Variants in WWP1 observed in about 807,000 individuals in gnomAD.
WWP1 encodes NEDD4-like E3 ubiquitin-protein ligase WWP1.
In WWP1, 49 loss-of-function variants were observed where a neutral mutation model predicts 130.6. The ratio of observed to expected loss-of-function variants is 0.38; its 90% CI spans 0.30 to 0.48. The LOEUF is 0.48. Among genes scored for constraint, WWP1 ranks in the 20% least tolerant of loss-of-function variants. The probability of loss-of-function intolerance (pLI) is 0.99; values close to 1 mark genes in which losing one functional copy is unlikely to be tolerated. For synonymous variants in WWP1, 332 were observed against 367.8 expected, an observed-to-expected ratio of 0.90 and a Z score of 1.11; for missense variants, 809 against 1,100.6, an observed-to-expected ratio of 0.74 and a Z score of 3.75.
chr8:86,356,417 T>C (rs1480075845), intron 1 of WWP1, among the ~76,000 whole-genome samples: 1 of 151,440 alleles, frequency 6.6e-6, no homozygotes, highest in South Asian at 2.1e-4. Flanking sequence ...GAAAAACTTA[T>C]CAAATGCACG....
chr8:86,438,742 A>G, intron 17 of WWP1, 69 bp downstream of exon 17: 1 of 1,275,476 alleles, frequency 7.8e-7, no homozygotes, highest in Non-Finnish European at 1.1e-6. Flanking sequence ...AGTATTCTTC[A>G]AAACATATGT....
chr8:86,455,543 A>G (rs1811386632), intron 21 of WWP1, among the ~76,000 whole-genome samples: 1 of 152,008 alleles, frequency 6.6e-6, no homozygotes, highest in Non-Finnish European at 1.5e-5. Flanking sequence ...GACACTTAAA[A>G]TTTAGATTTT....
Position 86,411,556 on chromosome 8 carries a change from C to T in WWP1, c.743C>T (p.Ser248Leu), listed in dbSNP as rs749155862. 4.3e-6 allele frequency: 7 copies of T among 1,613,008 alleles called. No homozygotes were observed. The highest frequency in any genetic ancestry group is 5.9e-6 in the Non-Finnish European group (7 of 1,179,266). Reference protein sequence around the residue: ...ADDTVNGESSSFAPTDNASVT... With the variant: ...ADDTVNGESSLFAPTDNASVT... ...TTCTCAGTTAATGGAGAATCATCCT[C>T]ATTTGCACCAACTGATAATGCGTCT... The change falls in exon 9 of 25, where the codon TCA becomes TTA. Residue 248 changes from serine to leucine, a missense_variant. By Grantham distance (145) the Ser-to-Leu change is moderately radical. Transcript: ENST00000517970.
intron 2 of WWP1, among the ~76,000 whole-genome samples, chr8:86,371,118 C>T (rs57644875): frequency 0.37 from 54,988 of 149,108 alleles, 11,052 homozygotes; most frequent in Middle Eastern, 0.48. Flanking sequence ...TCAAGTGATC[C>T]ACCTTGGGAT....
At chr8:86,430,053 G>C (rs1486636450) in intron 11 of WWP1, among the ~76,000 whole-genome samples, 1 of 151,912 alleles carries the variant, frequency 6.6e-6, no homozygotes, top group Non-Finnish European at 1.5e-5. Context: ...ACAAATATTA[G>C]CCGGGTGTGG....
chr8:86,468,001 A>T lies in WWP1; in HGVS notation c.*1108A>T, dbSNP rs369833686. 1 of 153,822 alleles carries T rather than the reference A, an allele frequency of 6.5e-6. No homozygotes were observed. The highest frequency in any genetic ancestry group is 2.4e-5 in the African/African-American group (1 of 41,470). The allele number at this position is 153,822 out of a possible 1,614,324, so 9.5% of individuals were successfully genotyped here. A position where few individuals can be genotyped will look rare whatever the true frequency, so the allele number is the denominator to read the frequency against. On this transcript the variant is annotated 3_prime_UTR_variant, in exon 25 of 25. Coordinates refer to ENST00000517970, the MANE Select transcript of WWP1 (RefSeq NM_007013.4). ...CACAGATAATTATTTTTGTCATAAC[A>T]CTTTTTAATTGTTTTTCATCATAGG...
chr8:86,382,161 C>A (rs1200594619), intron 5 of WWP1, among the ~76,000 whole-genome samples: 3 of 152,050 alleles, frequency 2.0e-5, no homozygotes, highest in Admixed American at 6.6e-5. Flanking sequence ...AAACATATTT[C>A]TTTTTTGCTT....
chr8:86,423,932 G>A (rs1351105979), intron 9 of WWP1, among the ~76,000 whole-genome samples: 4 of 134,970 alleles, frequency 3.0e-5, no homozygotes, highest in African/African-American at 8.7e-5. Flanking sequence ...TGGGGCGGCT[G>A]GCCGGGCGGG....
chr8:86,463,985 G>A (rs904936311), intron 24 of WWP1, among the ~76,000 whole-genome samples: 2 of 151,896 alleles, frequency 1.3e-5, no homozygotes, highest in Admixed American at 6.6e-5. Context: ...CACTGGAGCC[G>A]GGGAAGTCAA....
At chr8:86,395,175 A>C (rs929974068) in intron 5 of WWP1, among the ~76,000 whole-genome samples, 1 of 152,198 alleles carries the variant, frequency 6.6e-6, no homozygotes, top group African/African-American at 2.4e-5. Context: ...GCTTAAAATT[A>C]GTTTAAGCTA....
chr8:86,375,113 A>G (rs1306719477), intron 3 of WWP1, among the ~76,000 whole-genome samples: 1 of 152,142 alleles, frequency 6.6e-6, no homozygotes, highest in Non-Finnish European at 1.5e-5. Context: ...ACAGAGGGAG[A>G]AGGAGGTGAA....
At chr8:86,389,189 T>C (rs1825466449) in intron 5 of WWP1, among the ~76,000 whole-genome samples, 1 of 152,046 alleles carries the variant, frequency 6.6e-6, no homozygotes, top group Admixed American at 6.6e-5. Context: ...TGATCATTCT[T>C]GGGTGTTTCT....
Position 86,422,647 on chromosome 8 carries a change from A to G in WWP1, c.1062-2576A>G, listed in dbSNP as rs1204722496. 2.6e-5 allele frequency among the ~76,000 whole-genome samples: 4 copies of G among 152,018 alleles called. No homozygotes were observed. In the East Asian group the frequency reaches 7.7e-4, roughly 29 times the overall value. ...CTTAGCCTCCCAAAGTGCTGGGATT[A>G]CAGGTGTGAGCCACCACGCCCGGCC... On this transcript the variant is annotated intron_variant, in intron 9 of 24. Coordinates refer to ENST00000517970, the MANE Select transcript of WWP1 (RefSeq NM_007013.4).
intron 18 of WWP1, among the ~76,000 whole-genome samples, chr8:86,447,405 T>TA (rs1323005435): frequency 6.6e-6 from 1 of 152,184 alleles, no homozygotes; most frequent in East Asian, 1.9e-4. Context: ...TAGCTGGGAC[T>TA]ACAGGCGCGT....
intron 22 of WWP1, among the ~76,000 whole-genome samples, chr8:86,460,968 C>T (rs1409529074): frequency 6.6e-6 from 1 of 151,666 alleles, no homozygotes; most frequent in African/African-American, 2.4e-5. Context: ...CGACACCACG[C>T]CCGGCTAATT....
chr8:86,394,133 A>T (rs7841007), intron 5 of WWP1, among the ~76,000 whole-genome samples: 18,977 of 152,250 alleles, frequency 0.12, 3,129 homozygotes, highest in African/African-American at 0.38. Context: ...GCAATAGATA[A>T]TACATTGTTT....
chr8:86,439,433 A>G (rs1810479247), intron 17 of WWP1, among the ~76,000 whole-genome samples: 1 of 151,974 alleles, frequency 6.6e-6, no homozygotes, highest in Non-Finnish European at 1.5e-5. Context: ...AGCTCAAGAG[A>G]TTCCCCCAAC....
intron 21 of WWP1, among the ~76,000 whole-genome samples, chr8:86,455,995 A>G (rs1208644962): frequency 6.6e-6 from 1 of 152,002 alleles, no homozygotes; most frequent in Non-Finnish European, 1.5e-5. Flanking sequence ...AAGTACTAAG[A>G]TATTTCAACG....
chr8:86,454,156 G>T (rs13264364), intron 21 of WWP1, among the ~76,000 whole-genome samples: 41,042 of 151,850 alleles, frequency 0.27, 6,404 homozygotes, highest in East Asian at 0.54. Flanking sequence ...TACAATTACA[G>T]TATATAATAG....
Sources: gnomAD v4.1 joint callset for allele counts (sites outside exome capture counted in the v4.1 genomes callset) on GRCh38, gnomAD v4.1.1 for gene constraint, MANE v1.5 for transcripts, NCBI Gene and HGNC (gene_info 2026-07-23, HGNC 2026-07-21) for gene names.